IQCK: variants seen among roughly 807,000 people sequenced by gnomAD.
The protein encoded by IQCK is IQ domain-containing protein K.
IQCK carries 29 observed loss-of-function variants against 28.1 expected under a neutral mutation model. That is an observed-to-expected ratio of 1.03 (90% CI 0.77 to 1.41). IQCK has a LOEUF of 1.41. Ranked by LOEUF, IQCK falls within the 40% of genes most tolerant of loss-of-function variation. The pLI is 0.00. For synonymous variants in IQCK, 113 were observed against 115.1 expected (o/e 0.98, Z 0.12); for missense variants, 359 against 314.7 (o/e 1.14, Z -1.07).
At chr16:19,826,635 C>T (rs1433507868) in intron 7 of IQCK, among the ~76,000 whole-genome samples, 1 of 152,234 alleles carries the variant, frequency 6.6e-6, no homozygotes, top group Non-Finnish European at 1.5e-5. Context: ...GCCTCGGCCT[C>T]CCAAAGTGCT....
chr16:19,754,016 A>G (rs965154394), intron 4 of IQCK, among the ~76,000 whole-genome samples: 1 of 151,982 alleles, frequency 6.6e-6, no homozygotes, highest in South Asian at 2.1e-4. Context: ...GATTCAGTGC[A>G]TCCCTTTGGC....
chr16:19,835,974 A>T (rs1488086763), intron 9 of IQCK, among the ~76,000 whole-genome samples: 3 of 152,218 alleles, frequency 2.0e-5, no homozygotes, highest in Admixed American at 6.5e-5. Flanking sequence ...AGTGATCACC[A>T]TACTGTCATC....
intron 9 of IQCK, among the ~76,000 whole-genome samples, chr16:19,836,397 T>A (rs1481918745): frequency 6.6e-6 from 1 of 152,212 alleles, no homozygotes; most frequent in Admixed American, 6.5e-5. Context: ...TTTGCAAAAG[T>A]CTGCACAGCT....
At chr16:19,776,907 A>T (rs2151723094) in intron 6 of IQCK, among the ~76,000 whole-genome samples, 1 of 152,320 alleles carries the variant, frequency 6.6e-6, no homozygotes, top group South Asian at 2.1e-4. Context: ...AGAGGCAATG[A>T]AATTATTTTC....
At chr16:19,733,606 G>A in intron 2 of IQCK, 92 bp from the exon 3 acceptor site, 1 of 1,437,134 alleles carries the variant, frequency 7.0e-7, no homozygotes. Context: ...AAAGTCTGAT[G>A]CAGAATTTTA....
chr16:19,746,649 C>T (rs2054917143), intron 4 of IQCK, among the ~76,000 whole-genome samples: 1 of 152,200 alleles, frequency 6.6e-6, no homozygotes, highest in Non-Finnish European at 1.5e-5. Context: ...AACTTGGCTA[C>T]GAGTTGCTTT....
chr16:19,786,806 A>C lies in IQCK; in HGVS notation c.606-2032A>C, dbSNP rs2055568814. 2.2e-5 allele frequency among the ~76,000 whole-genome samples: 2 copies of C among 91,902 alleles called. 1 individual carries two copies. Among genetic ancestry groups the C allele is most frequent in the East Asian group, 6.7e-4 (2 of 3,006 alleles). 60.3% of individuals were successfully genotyped at this position (91,902 alleles called of 152,430 possible). ...CTAGAAAAGAAAGAAAGAGAGAGAG[A>C]GAGAGAGAAGGGAGGGAGGGAGGGA... On this transcript the variant is annotated intron_variant, in intron 6 of 7. Coordinates refer to ENST00000564186, the Ensembl canonical transcript of IQCK.
chr16:19,804,354 T>A (rs1011696153), intron 7 of IQCK, among the ~76,000 whole-genome samples: 35 of 151,062 alleles, frequency 2.3e-4, no homozygotes, highest in Admixed American at 7.9e-4. Flanking sequence ...AAAAAAAAAA[T>A]AAAATAAAAA....
exon 10 of IQCK, chr16:19,858,355 C>T (rs2056590097): frequency 2.2e-6 from 1 of 446,694 alleles, no homozygotes; most frequent in African/African-American, 2.0e-5. Flanking sequence ...ATGAGGCTTC[C>T]CATGGCTCAA....
At chr16:19,852,211 G>A (rs925344666) in intron 9 of IQCK, among the ~76,000 whole-genome samples, 5 of 151,956 alleles carry the variant, frequency 3.3e-5, no homozygotes, top group African/African-American at 7.3e-5. Flanking sequence ...AGCAATACAC[G>A]AACATACCTA....
rs143549232 is a variant in IQCK, at chr16:19,755,570, C to T, written c.475-8278C>T. 7.8e-3 allele frequency among the ~76,000 whole-genome samples: 1,189 copies of T among 152,288 alleles called. 10 individuals carry two copies. Among genetic ancestry groups the T allele is most frequent in the African/African-American group, 0.027 (1,119 of 41,560 alleles). ...AGCAACAGCAAGCAATGAAAGGAGC[C>T]ATGGCCAAGGAGCTGAGCTCCACAT... On this transcript the variant is annotated intron_variant, in intron 4 of 7. Transcript: ENST00000564186.
chr16:19,839,200 A>G (rs2141109011), intron 9 of IQCK, among the ~76,000 whole-genome samples: 1 of 151,362 alleles, frequency 6.6e-6, no homozygotes, highest in Non-Finnish European at 1.5e-5. Flanking sequence ...TCACTCTGTC[A>G]CCCAGGATGG....
chr16:19,760,646 G>A (rs1161988023), intron 4 of IQCK, among the ~76,000 whole-genome samples: 1 of 152,080 alleles, frequency 6.6e-6, no homozygotes, highest in African/African-American at 2.4e-5. Context: ...CTGATCTCCT[G>A]CTGGTCTCTC....
intron 7 of IQCK, among the ~76,000 whole-genome samples, chr16:19,812,210 C>T (rs931630059): frequency 1.1e-4 from 16 of 152,276 alleles, no homozygotes; most frequent in African/African-American, 3.6e-4. Context: ...TGGTCTTGAA[C>T]TGCTGACCTC....
intron 4 of IQCK, among the ~76,000 whole-genome samples, chr16:19,762,898 C>T (rs2055169849): frequency 6.6e-6 from 1 of 152,098 alleles, no homozygotes; most frequent in East Asian, 1.9e-4. Context: ...TGCCTGTAGT[C>T]TTGGGTACTG....
chr16:19,808,765 C>T (rs1377357467), intron 7 of IQCK, among the ~76,000 whole-genome samples: 2 of 152,228 alleles, frequency 1.3e-5, no homozygotes, highest in Non-Finnish European at 2.9e-5. Flanking sequence ...GAGTCCTGTG[C>T]AGTTGCACAG....
chr16:19,845,985 G>T (rs182554759), intron 9 of IQCK, among the ~76,000 whole-genome samples: 136 of 152,250 alleles, frequency 8.9e-4, no homozygotes, highest in African/African-American at 3.2e-3. Flanking sequence ...CTGAGGTGGG[G>T]GGGATCACCT....
chr16:19,814,786 C>CT (rs35073247), intron 7 of IQCK, among the ~76,000 whole-genome samples: 24,990 of 122,330 alleles, frequency 0.2, 3,031 homozygotes, highest in African/African-American at 0.28. Context: ...TAAAGAGGGT[C>CT]TTTTTTTTTT....
chr16:19,746,726 C>T (rs1220969634), intron 4 of IQCK, among the ~76,000 whole-genome samples: 1 of 152,136 alleles, frequency 6.6e-6, no homozygotes, highest in Non-Finnish European at 1.5e-5. Context: ...AGGCTCTGAC[C>T]TGAGGGTGAC....
Sources: gnomAD v4.1 joint callset for allele counts (sites outside exome capture counted in the v4.1 genomes callset) on GRCh38, gnomAD v4.1.1 for gene constraint, MANE v1.5 for transcripts, NCBI Gene and HGNC (gene_info 2026-07-23, HGNC 2026-07-21) for gene names.